ADAM23: variants seen among roughly 807,000 people sequenced by gnomAD.
The protein encoded by ADAM23 is ADAM metallopeptidase domain 23.
ADAM23 carries 33 observed loss-of-function variants against 120.1 expected under a neutral mutation model. That is an observed-to-expected ratio of 0.27 (90% CI 0.21 to 0.37). The LOEUF (loss-of-function observed/expected upper bound fraction) is 0.37, where lower values mean the gene tolerates loss of function less well. ADAM23 is among the 10% of genes least tolerant of loss of function. The probability of loss-of-function intolerance (pLI) is 1.00; values close to 1 mark genes in which losing one functional copy is unlikely to be tolerated. For synonymous variants in ADAM23, 367 were observed against 375.2 expected, an observed-to-expected ratio of 0.98 and a Z score of 0.25; for missense variants, 862 against 1,058.2, an observed-to-expected ratio of 0.81 and a Z score of 2.57.
At position 206,542,154 on chromosome 2, in the gene ADAM23, G is replaced by GCCCTTTC; in HGVS notation, c.656+21_656+22insCCTTTCC. 2 of 1,609,756 alleles carry GCCCTTTC rather than the reference G, an allele frequency of 1.2e-6. No homozygotes were observed. The highest frequency in any genetic ancestry group is 1.7e-6 in the Non-Finnish European group (2 of 1,176,090). ...ACTTCAGTAAGTGGGAATCTCATTGGCATTTTATTCATTGACCCTTTCCAG... is the reference window on the plus strand; with the variant it reads ...ACTTCAGTAAGTGGGAATCTCATTGGCCCTTTCCATTTTATTCATTGACCCTTTCCAG... On this transcript the variant is annotated intron_variant, in intron 5 of 25. Coordinates refer to ENST00000264377, the MANE Select transcript of ADAM23 (RefSeq NM_003812.4).
At chr2:206,498,739 T>C (rs920051884) in intron 3 of ADAM23, among the ~76,000 whole-genome samples, 5 of 152,132 alleles carry the variant, frequency 3.3e-5, no homozygotes, top group Admixed American at 6.5e-5. Context: ...AGAAAATTTT[T>C]GCAACCTACT....
rs1574486207 is a variant in ADAM23, at chr2:206,474,762, G to A, written c.433-6470G>A. ...GCTAATTTTTGTATTTTTCATAGAG[G>A]CAGGGTTTCACCATGTTGCCCAGCC... On this transcript the variant is annotated intron_variant, in intron 2 of 25. Coordinates refer to ENST00000264377, the MANE Select transcript of ADAM23 (RefSeq NM_003812.4). 2.6e-5 allele frequency among the ~76,000 whole-genome samples: 4 copies of A among 152,022 alleles called. No homozygotes were observed. The South Asian group carries it at 8.3e-4, about 32-fold the overall frequency.
chr2:206,476,200 CT>C (rs1559224462), intron 2 of ADAM23, among the ~76,000 whole-genome samples: 1 of 152,136 alleles, frequency 6.6e-6, no homozygotes, highest in East Asian at 1.9e-4. Flanking sequence ...CTTCTTACCT[CT>C]GTTTGTAAAA....
intron 4 of ADAM23, among the ~76,000 whole-genome samples, chr2:206,540,560 A>T (rs1697269670): frequency 6.6e-6 from 1 of 152,114 alleles, no homozygotes; most frequent in African/African-American, 2.4e-5. Flanking sequence ...AAGACAGGAG[A>T]AGAGAAAACA....
intron 3 of ADAM23, among the ~76,000 whole-genome samples, chr2:206,483,345 A>C (rs1040520225): frequency 6.6e-6 from 1 of 152,162 alleles, no homozygotes; most frequent in Non-Finnish European, 1.5e-5. Flanking sequence ...CAGAAGAGAC[A>C]TGATAGATTT....
At chr2:206,543,433 T>A in intron 6 of ADAM23, 117 bp downstream of exon 6, 1 of 848,862 alleles carries the variant, frequency 1.2e-6, no homozygotes, top group South Asian at 1.6e-5. Context: ...TTAACTTATT[T>A]CAAACTTAGA....
intron 2 of ADAM23, among the ~76,000 whole-genome samples, chr2:206,458,395 T>C (rs762142026): frequency 6.6e-6 from 1 of 152,014 alleles, no homozygotes; most frequent in Non-Finnish European, 1.5e-5. Flanking sequence ...TGGCGAGGGG[T>C]GATTCTCAGG....
chr2:206,571,735 T>C lies in ADAM23; in HGVS notation c.1575T>C (p.Tyr525=). 1 of 1,614,020 alleles carries C rather than the reference T, an allele frequency of 6.2e-7. No homozygotes were observed. Among genetic ancestry groups the C allele is most frequent in the Non-Finnish European group, 8.5e-7 (1 of 1,179,876 alleles). ...TGAAGTGTTTTCTCTAGGAATGCTA[T>C]GGATTATGCTGTAAGAAATGTTCCC... The part of the protein sequence containing the change: ...ECDCGFHVEC[Y]GLCCKKCSLS... Residue 525 remains tyrosine (Y), a synonymous_variant, in exon 17 of 26, where the codon TAT becomes TAC. Transcript: ENST00000264377.
chr2:206,617,431 T>C (rs1698955376), intron 25 of ADAM23, 148 bp from the exon 26 acceptor site: 4 of 778,474 alleles, frequency 5.1e-6, no homozygotes, highest in Middle Eastern at 5.1e-4. Context: ...AATTTCAAGT[T>C]ATTTTGGAGA....
chr2:206,578,323 A>G (rs952780613), intron 18 of ADAM23, among the ~76,000 whole-genome samples: 5 of 152,022 alleles, frequency 3.3e-5, no homozygotes, highest in Non-Finnish European at 7.4e-5. Flanking sequence ...ACACTGCACC[A>G]TATTTGTAGT....
rs768530243 is a variant in ADAM23 at position 206,587,414 on chromosome 2, G to A, written c.1788+39G>A. The A allele has an allele frequency of 4.1e-6, 6 of 1,452,856 alleles. No individual in the cohort carries two copies. In the South Asian group the frequency reaches 7.7e-5, roughly 19 times the overall value. The allele number at this position is 1,452,856 out of a possible 1,614,324, so 90.0% of individuals were successfully genotyped here. On this transcript the variant is annotated intron_variant, in intron 19 of 25. Transcript: ENST00000264377. ...TAAATTTTAAGTGTAATTTAAAAAG[G>A]ATTCATTGGAAAGTTTTTTTTTCCT...
Position 206,468,433 on chromosome 2 carries a change from C to G in ADAM23, c.433-12799C>G, listed in dbSNP as rs557663923. ...AATCATCTCTCTCAAGTTCAAAGTT[C>G]CATGGATCCCCAAGGCAGGGGCACA... On this transcript the variant is annotated intron_variant, in intron 2 of 25. Coordinates refer to ENST00000264377, the MANE Select transcript of ADAM23 (RefSeq NM_003812.4). Among the ~76,000 whole-genome samples the G allele has an allele frequency of 3.9e-5, 6 of 152,270 alleles. No homozygotes were observed. In the South Asian group the frequency reaches 1.2e-3, roughly 32 times the overall value.
chr2:206,503,577 T>C lies in ADAM23; in HGVS notation c.509+22269T>C, dbSNP rs544342352. On this transcript the variant is annotated intron_variant, in intron 3 of 25. Coordinates refer to ENST00000264377, the MANE Select transcript of ADAM23 (RefSeq NM_003812.4). Reference sequence around the variant, plus strand: ...TCGTGAGACCACTCTGACCCTCAGTTTATGAAACTGAAAACTGAGATTGAT... The same window carrying C: ...TCGTGAGACCACTCTGACCCTCAGTCTATGAAACTGAAAACTGAGATTGAT... 1.6e-3 allele frequency among the ~76,000 whole-genome samples: 250 copies of C among 152,214 alleles called. 1 individual carries two copies. The highest frequency in any genetic ancestry group is 5.8e-3 in the African/African-American group (243 of 41,548).
intron 13 of ADAM23, among the ~76,000 whole-genome samples, chr2:206,562,906 T>C (rs1697796915): frequency 6.6e-6 from 1 of 152,162 alleles, no homozygotes; most frequent in African/African-American, 2.4e-5. Context: ...AGCCAGTGAC[T>C]GTTAGGCGTC....
intron 21 of ADAM23, 21 bp from the exon 22 acceptor site, chr2:206,592,596 G>A (rs1698445790): frequency 6.2e-7 from 1 of 1,609,380 alleles, no homozygotes; most frequent in African/African-American, 1.3e-5. Flanking sequence ...TGGTCTGTTT[G>A]TTTTCTTTAC....
At chr2:206,564,660 C>G (rs79096507) in intron 13 of ADAM23, among the ~76,000 whole-genome samples, 11,852 of 152,212 alleles carry the variant, frequency 0.078, 581 homozygotes, top group Admixed American at 0.13. Flanking sequence ...CTATGGGACT[C>G]TCTCATATGA....
In ADAM23 at chr2:206,543,172, C is replaced by A. The variant is rs541259373; in HGVS notation, c.657-81C>A. The A allele has an allele frequency of 9.6e-5, 116 of 1,209,486 alleles. 1 individual carries two copies. Among genetic ancestry groups the A allele is most frequent in the South Asian group, 7.5e-5 (6 of 80,504 alleles). The allele number at this position is 1,209,486 out of a possible 1,614,324, so 74.9% of individuals were successfully genotyped here. A position where few individuals can be genotyped will look rare whatever the true frequency, so the allele number is the denominator to read the frequency against. On this transcript the variant is annotated intron_variant, in intron 5 of 25. Coordinates refer to ENST00000264377, the MANE Select transcript of ADAM23 (RefSeq NM_003812.4). ...AGTTATACTCTTTATTTTGAAGACA[C>A]AATAATGAAGCTCACTTGCTATTTC...
In ADAM23 at chr2:206,594,759, G is replaced by T. The variant is rs1358338388; in HGVS notation, c.2101G>T (p.Asp701Tyr). The T allele has an allele frequency of 1.9e-6, 3 of 1,614,182 alleles. No individual in the cohort carries two copies. The highest frequency in any genetic ancestry group is 2.5e-6 in the Non-Finnish European group (3 of 1,180,018). The stretch of plus-strand genomic sequence containing the variant: ...TAGTGGTGCCCATGTAGTTTTAGAT[G>T]ATGATACGGATGTGGGCTATGTAGA... ...DCSGAHVVLD[D>Y]DTDVGYVEDG... Residue 701 changes from aspartate to tyrosine, a missense_variant, in exon 23 of 26, where the codon GAT becomes TAT. Physicochemically the swap from Asp to Tyr is radical, Grantham distance 160. This residue lies in a region of ADAM23 where 617 missense variants were observed against 813.5 expected (regional missense o/e 0.76). Coordinates refer to ENST00000264377, the MANE Select transcript of ADAM23 (RefSeq NM_003812.4).
chr2:206,558,084 C>A (rs1230803391), intron 10 of ADAM23, among the ~76,000 whole-genome samples: 2 of 152,120 alleles, frequency 1.3e-5, no homozygotes, highest in African/African-American at 4.8e-5. Context: ...CTGTACAAAT[C>A]TTCAATATTG....
Sources: allele counts gnomAD v4.1 joint callset (sites outside exome capture counted in the v4.1 genomes callset), GRCh38; gene constraint gnomAD v4.1.1; regional missense constraint gnomAD v4.1.1; transcripts MANE v1.5; gene names NCBI Gene and HGNC (gene_info 2026-07-23, HGNC 2026-07-21).